The following WDR36 variants were observed in gnomAD, a reference collection of about 807,000 sequenced individuals.
The protein encoded by WDR36 is WD repeat domain 36, also known as WD repeat-containing protein 36.
In WDR36, 63 loss-of-function variants were observed where a neutral mutation model predicts 112.7. That is an observed-to-expected ratio of 0.56 (90% CI 0.46 to 0.69). The LOEUF (loss-of-function observed/expected upper bound fraction) is 0.69, where lower values mean the gene tolerates loss of function less well. WDR36 is among the 30% of genes least tolerant of loss of function. WDR36 has a pLI of 0.00. For missense variants in WDR36, 1,226 were observed against 1,070.3 expected (o/e 1.15, Z -2.03); for synonymous variants, 410 against 362.2 (o/e 1.13, Z -1.50).
At chr5:111,123,718 A>T in intron 19 of WDR36, 87 bp from the exon 20 acceptor site, 1 of 1,527,616 alleles carries the variant, frequency 6.5e-7, no homozygotes, top group Admixed American at 1.8e-5. Flanking sequence ...ACTTTTTGGT[A>T]TTTGTTTTAA....
chr5:111,099,441 GTTTTTTTTTGTTTTTTTTTTTGTTTTTTT>G (rs1303048500), intron 4 of WDR36, among the ~76,000 whole-genome samples: 2 of 98,204 alleles, frequency 2.0e-5, no homozygotes, highest in African/African-American at 8.4e-5. Context: ...TTGCCTCTTG[GTTTTTTTTTGTTTTTTTTTTTGTTTTTTT>G]TTTTTTTTTT....
intron 4 of WDR36, among the ~76,000 whole-genome samples, chr5:111,100,178 A>G (rs903708138): frequency 4.6e-5 from 7 of 151,848 alleles, no homozygotes; most frequent in Non-Finnish European, 1.0e-4. Context: ...AACTTTCCAG[A>G]TAATTGGCTC....
At position 111,107,276 on chromosome 5, in the gene WDR36, A is replaced by G; in HGVS notation, c.1181-18A>G. On this transcript the variant is annotated intron_variant, in intron 11 of 22. Coordinates refer to ENST00000513710, the MANE Select transcript of WDR36 (RefSeq NM_139281.3). ...AGAATGAAAAGTAATTTGATTTATG[A>G]TTTTCATTACGTTTTAGAGGAAGCT... 1 of 1,606,312 alleles carries G rather than the reference A, an allele frequency of 6.2e-7. No homozygotes were observed.
chr5:111,123,988 C>T lies in WDR36; in HGVS notation c.2268+64C>T, dbSNP rs1056621134. 7.5e-6 allele frequency: 12 copies of T among 1,609,042 alleles called. No homozygotes were observed. In the East Asian group the frequency reaches 2.0e-4, roughly 27 times the overall value. On this transcript the variant is annotated intron_variant, in intron 20 of 22. Coordinates refer to ENST00000513710, the MANE Select transcript of WDR36 (RefSeq NM_139281.3). ...ATGTTTGTATGTGTTTTCTGCACTTCTTTACCAAGACCTAGTTTTACAGAT... is the reference window on the plus strand; with the variant it reads ...ATGTTTGTATGTGTTTTCTGCACTTTTTTACCAAGACCTAGTTTTACAGAT...
chr5:111,118,071 A>T (rs1753492545), intron 16 of WDR36, among the ~76,000 whole-genome samples: 1 of 152,316 alleles, frequency 6.6e-6, no homozygotes, highest in African/African-American at 2.4e-5. Context: ...GGAAGTGAAG[A>T]TTATGCCACT....
chr5:111,113,035 A>T (rs10058094), intron 15 of WDR36, 39 bp from the exon 16 acceptor site: 5,203 of 352,412 alleles, frequency 0.015, 345 homozygotes, highest in African/African-American at 0.13. Flanking sequence ...ATATATAAAT[A>T]ATATATATAT....
chr5:111,114,432 G>C (rs1753415350), intron 16 of WDR36, among the ~76,000 whole-genome samples: 1 of 152,152 alleles, frequency 6.6e-6, no homozygotes, highest in Admixed American at 6.5e-5. Flanking sequence ...TTGACCTTTA[G>C]GAAGGAAAAA....
intron 19 of WDR36, among the ~76,000 whole-genome samples, chr5:111,121,767 T>C (rs148352605): frequency 1.1e-4 from 17 of 152,258 alleles, no homozygotes; most frequent in East Asian, 5.8e-4. Flanking sequence ...TAGAGTATGT[T>C]TTATGATCCC....
chr5:111,110,280 G>A lies in WDR36; in HGVS notation c.1418G>A (p.Arg473Gln), dbSNP rs116529882. 1.3e-3 allele frequency: 2,129 copies of A among 1,610,592 alleles called. 3 individuals carry two copies. Among genetic ancestry groups the A allele is most frequent in the Non-Finnish European group, 1.7e-3 (1,975 of 1,177,442 alleles). The change falls in exon 13 of 23, where the codon CGA becomes CAA. Residue 473 changes from arginine to glutamine, a missense_variant. Physicochemically the swap from Arg to Gln is conservative, Grantham distance 43. Coordinates refer to ENST00000513710, the MANE Select transcript of WDR36 (RefSeq NM_139281.3). ...TATAACATGCAGTCTGGCATACATCGAGGAAGTTTTGGCAAGGATCAAGGT... is the reference window on the plus strand; with the variant it reads ...TATAACATGCAGTCTGGCATACATCAAGGAAGTTTTGGCAAGGATCAAGGT... ...DVYNMQSGIH[R>Q]GSFGKDQAHK... is the part of the protein sequence containing the mutation.
intron 22 of WDR36, among the ~76,000 whole-genome samples, chr5:111,126,357 G>A (rs530440241): frequency 6.6e-6 from 1 of 151,988 alleles, no homozygotes; most frequent in Non-Finnish European, 1.5e-5. Flanking sequence ...ATGTTTTGAG[G>A]GTCTACTTTA....
At position 111,128,545 on chromosome 5, in the gene WDR36, C is replaced by G. The variant is rs1450892502; in HGVS notation, c.*1662C>G. ...AAAATCCCAATATATAATTCTATAC[C>G]TAGTAAAGATTGTAAATAACTAAAA... On this transcript the variant is annotated 3_prime_UTR_variant, in exon 23 of 23. Coordinates refer to ENST00000513710, the MANE Select transcript of WDR36 (RefSeq NM_139281.3). 1 of 178,614 alleles carries G rather than the reference C, an allele frequency of 5.6e-6. No homozygotes were observed. The highest frequency in any genetic ancestry group is 1.2e-5 in the Non-Finnish European group (1 of 83,194). The allele number at this position is 178,614 out of a possible 1,614,324, so 11.1% of individuals were successfully genotyped here.
Position 111,123,822 on chromosome 5 carries a change from G to A in WDR36, c.2166G>A (p.Lys722=), listed in dbSNP as rs1044067240. Residue 722 remains lysine (K), a synonymous_variant, in exon 20 of 23, where the codon AAG becomes AAA. Transcript: ENST00000513710. ...LDVIKKKNKP[K]EPPKVPKSAP... is the part of the protein sequence containing the mutation. ...TTAATCAGAAAAAGAATAAACCAAA[G>A]GAACCACCCAAAGTACCCAAATCAG... The A allele has an allele frequency of 5.0e-6, 8 of 1,613,666 alleles. No homozygotes were observed. Among genetic ancestry groups the A allele is most frequent in the Non-Finnish European group, 6.8e-6 (8 of 1,179,840 alleles).
chr5:111,099,471 T>TG (rs1753072973), intron 4 of WDR36, among the ~76,000 whole-genome samples: 1 of 130,372 alleles, frequency 7.7e-6, no homozygotes, highest in African/African-American at 2.9e-5. Flanking sequence ...TTGTTTTTTT[T>TG]TTTTTTTTTT....
intron 6 of WDR36, among the ~76,000 whole-genome samples, chr5:111,103,496 T>A (rs889058216): frequency 6.6e-6 from 1 of 151,798 alleles, no homozygotes; most frequent in African/African-American, 2.4e-5. Flanking sequence ...TTTCTTTTTC[T>A]GTTGTGGTTG....
At chr5:111,108,165 T>C (rs1753256364) in intron 12 of WDR36, among the ~76,000 whole-genome samples, 1 of 151,454 alleles carries the variant, frequency 6.6e-6, no homozygotes, top group Non-Finnish European at 1.5e-5. Context: ...GTTGTTTGTA[T>C]ATAAGTCTTA....
At chr5:111,102,222 T>C (rs1753133859) in intron 5 of WDR36, 123 bp from the exon 6 acceptor site, 1 of 732,258 alleles carries the variant, frequency 1.4e-6, no homozygotes, top group African/African-American at 1.8e-5. Flanking sequence ...ATCAGAATAG[T>C]GTGTGGAAGA....
chr5:111,108,383 G>C (rs1011306690), intron 12 of WDR36, among the ~76,000 whole-genome samples: 3 of 151,008 alleles, frequency 2.0e-5, no homozygotes, highest in African/African-American at 7.3e-5. Flanking sequence ...GTTTTTAATA[G>C]ATGCCTCTGC....
At position 111,104,074 on chromosome 5, in the gene WDR36, GT is replaced by G; in HGVS notation, c.731-96del. 3.6e-6 allele frequency: 5 copies of G among 1,400,316 alleles called. No individual in the cohort carries two copies. The South Asian group carries it at 5.1e-5, about 14-fold the overall frequency. The allele number at this position is 1,400,316 out of a possible 1,614,324, so 86.7% of individuals were successfully genotyped here. A position where few individuals can be genotyped will look rare whatever the true frequency, so the allele number is the denominator to read the frequency against. On this transcript the variant is annotated intron_variant, in intron 7 of 22. Coordinates refer to ENST00000513710, the MANE Select transcript of WDR36 (RefSeq NM_139281.3). ...AATATGAATAGATTATTGGTATATA[GT>G]TTTTTTCTAACTTTATGGATTAAAA...
Position 111,128,498 on chromosome 5 carries a change from A to G in WDR36, c.*1615A>G, listed in dbSNP as rs896184370. The G allele has an allele frequency of 3.9e-5, 7 of 179,790 alleles. No individual in the cohort carries two copies. The highest frequency in any genetic ancestry group is 9.4e-5 in the African/African-American group (4 of 42,468). 11.1% of individuals were successfully genotyped at this position (179,790 alleles called of 1,614,324 possible). ...ACTATTTTCCTCTTTCCTAAATACT[A>G]TATTCTAAATTGGAATATGGCAAAA... On this transcript the variant is annotated 3_prime_UTR_variant, in exon 23 of 23. Transcript: ENST00000513710.
Sources: gnomAD v4.1 joint callset for allele counts (sites outside exome capture counted in the v4.1 genomes callset) on GRCh38, gnomAD v4.1.1 for gene constraint, MANE v1.5 for transcripts, NCBI Gene and HGNC (gene_info 2026-07-23, HGNC 2026-07-21) for gene names.